TMPRSS6: variants seen among roughly 807,000 people sequenced by gnomAD.
TMPRSS6 encodes the protein transmembrane protease serine 6.
A neutral mutation model predicts 101.5 loss-of-function variants in TMPRSS6; 67 were observed. The ratio of observed to expected loss-of-function variants is 0.66; its 90% confidence interval spans 0.54 to 0.81. The LOEUF (loss-of-function observed/expected upper bound fraction) is 0.81, where lower values mean the gene tolerates loss of function less well. Ranked by LOEUF, TMPRSS6 falls within the 30% of genes least tolerant of loss-of-function variation. The probability of loss-of-function intolerance (pLI) is 0.00; values close to 1 mark genes in which losing one functional copy is unlikely to be tolerated. For synonymous variants in TMPRSS6, 453 were observed against 464.9 expected, an observed-to-expected ratio of 0.97 and a Z score of 0.33; for missense variants, 1,034 against 1,088.7, an observed-to-expected ratio of 0.95 and a Z score of 0.71.
chr22:37,070,770 G>A (rs1025188130), intron 14 of TMPRSS6, 118 bp from the exon 15 acceptor site: 1 of 1,331,720 alleles, frequency 7.5e-7, no homozygotes, highest in South Asian at 1.2e-5. Context: ...TGATGGAGGG[G>A]GAGAGACCAT....
chr22:37,068,083 C>A (rs569257886), intron 16 of TMPRSS6, among the ~76,000 whole-genome samples: 46 of 152,224 alleles, frequency 3.0e-4, no homozygotes, highest in Non-Finnish European at 5.4e-4. Flanking sequence ...GGAGCCTCCT[C>A]TGTGTCTCCA....
At chr22:37,109,836 G>A (rs907854689), upstream of TMPRSS6, among the ~76,000 whole-genome samples, 7 of 150,018 alleles carry the variant, frequency 4.7e-5, no homozygotes, top group East Asian at 4.1e-4. Flanking sequence ...GCTCTCCCCC[G>A]AGGCCCGTTG....
In TMPRSS6 at chr22:37,103,455, G is replaced by A. The variant is rs367698402; in HGVS notation, c.-1-37C>T. The A allele has an allele frequency of 3.8e-5, 62 of 1,614,100 alleles. No individual in the cohort carries two copies. The highest frequency in any genetic ancestry group is 4.7e-5 in the Non-Finnish European group (56 of 1,180,048). On this transcript the variant is annotated intron_variant, in intron 1 of 17. Transcript: ENST00000676104. The surrounding 1 kb of genome is among the most constrained non-coding windows in gnomAD (Gnocchi z 4.4). ...ACAGACCAAAGTTGGAAACAGCCTC[G>A]CATTTGCAAGGGAGCCTCTGCTGAG...
rs761779631 is a variant in TMPRSS6, at chr22:37,095,942, C to A, written c.553G>T (p.Glu185Ter). ...AGGCCCTCGGGGTCCACTTCGTACT[C>A]GGCCCTGTAGGGGACGGCAGCCGAG... ...NSSAAVPYRA[E>*]YEVDPEGLVI... Residue 185 changes from glutamate (E) to a stop codon, truncating the protein, a stop_gained, in exon 5 of 18, where the codon GAG becomes TAG. Coordinates refer to ENST00000676104, the MANE Select transcript of TMPRSS6 (RefSeq NM_001374504.1). LOFTEE classifies it high-confidence loss of function. The A allele has an allele frequency of 1.9e-6, 3 of 1,614,162 alleles. No individual in the cohort carries two copies. The highest frequency in any genetic ancestry group is 1.1e-5 in the South Asian group (1 of 91,086).
In TMPRSS6 at chr22:37,092,279, G is replaced by A. The variant is rs189011937; in HGVS notation, c.632-2497C>T. On this transcript the variant is annotated intron_variant, in intron 6 of 17. Transcript: ENST00000676104. The stretch of plus-strand genomic sequence containing the variant: ...GCTCAGGGAACCCTTTCTTCTTCTC[G>A]CCCTGACAAATTCCTGCCTACCCCC... Among the ~76,000 whole-genome samples, 93 of 151,242 alleles carry A rather than the reference G, an allele frequency of 6.1e-4. 1 individual carries two copies. In the East Asian group the frequency reaches 0.017, roughly 28 times the overall value.
chr22:37,072,233 T>TGATG (rs1244365215), intron 13 of TMPRSS6, among the ~76,000 whole-genome samples: 10 of 58,588 alleles, frequency 1.7e-4, no homozygotes, highest in Admixed American at 3.9e-4. Flanking sequence ...GATGGATGGA[T>TGATG]GATGGATGGA....
intron 10 of TMPRSS6, among the ~76,000 whole-genome samples, 177 bp from the exon 11 acceptor site, chr22:37,075,457 G>A (rs1927553828): frequency 6.6e-6 from 1 of 152,338 alleles, no homozygotes; most frequent in East Asian, 1.9e-4. Context: ...CTAGAAACTA[G>A]CCTGGCTATG....
In TMPRSS6 at chr22:37,069,533, G is replaced by C. The variant is rs1342959743; in HGVS notation, c.1842-189C>G. 6.6e-6 allele frequency among the ~76,000 whole-genome samples: 1 copy of C among 152,152 alleles called. No individual in the cohort carries two copies. Among genetic ancestry groups the C allele is most frequent in the Non-Finnish European group, 1.5e-5 (1 of 68,026 alleles). ...CGTTCAGCCTTCACCCACTCGGCCTGCCTGGGTTCCACGCCCCAGCTTCAT... is the reference window on the plus strand; with the variant it reads ...CGTTCAGCCTTCACCCACTCGGCCTCCCTGGGTTCCACGCCCCAGCTTCAT... On this transcript the variant is annotated intron_variant, in intron 15 of 17. Coordinates refer to ENST00000676104, the MANE Select transcript of TMPRSS6 (RefSeq NM_001374504.1). The surrounding 1 kb of genome is among the most constrained non-coding windows in gnomAD (Gnocchi z 4.8).
intron 1 of TMPRSS6, among the ~76,000 whole-genome samples, chr22:37,106,875 G>A (rs1436544265): frequency 1.3e-5 from 2 of 152,192 alleles, no homozygotes; most frequent in Non-Finnish European, 2.9e-5. Flanking sequence ...CTTACCAGGC[G>A]ACCTGCCAGG....
intron 1 of TMPRSS6, among the ~76,000 whole-genome samples, chr22:37,105,030 A>G (rs228910): frequency 0.59 from 89,497 of 151,834 alleles, 26,651 homozygotes; most frequent in African/African-American, 0.63. Flanking sequence ...TTTGGGCTGT[A>G]TCTTGGGATT....
Position 37,089,751 on chromosome 22 carries a change from G to A in TMPRSS6, c.663C>T (p.Gly221=), listed in dbSNP as rs35961386. 8 of 1,612,442 alleles carry A rather than the reference G, an allele frequency of 5.0e-6. No homozygotes were observed. In the African/African-American group the frequency reaches 9.3e-5, roughly 19 times the overall value. The change falls in exon 7 of 18, where the codon GGC becomes GGT. Residue 221 remains glycine, a synonymous_variant. Coordinates refer to ENST00000676104, the MANE Select transcript of TMPRSS6 (RefSeq NM_001374504.1). ...GCYRYSYVGQ[G]QVLRLKGPDH... Reference sequence around the variant, plus strand: ...CAGGCCCCTTCAGCCGGAGGACCTGGCCCTGGCCCACGTAGCTGTAGCGGT... The same window carrying A: ...CAGGCCCCTTCAGCCGGAGGACCTGACCCTGGCCCACGTAGCTGTAGCGGT...
intron 12 of TMPRSS6, 150 bp from the exon 13 acceptor site, chr22:37,073,795 A>G: frequency 2.9e-6 from 2 of 696,008 alleles, no homozygotes; most frequent in South Asian, 3.0e-5. Context: ...CGCTCTTGTC[A>G]CGAAGGCTGG....
rs749845931 is a variant in TMPRSS6 at position 37,075,171 on chromosome 22, C to T, written c.1306G>A (p.Val436Met). 7 of 1,613,978 alleles carry T rather than the reference C, an allele frequency of 4.3e-6. No individual in the cohort carries two copies. The highest frequency in any genetic ancestry group is 1.7e-5 in the Admixed American group (1 of 60,010). Reference sequence around the variant, plus strand: ...TTGTACAAGCCATAGTGCACCCGCACACCGGGCCCGGTGAGGGAGATCTGG... The same window carrying T: ...TTGTACAAGCCATAGTGCACCCGCATACCGGGCCCGGTGAGGGAGATCTGG... ...TSQISLTGPGVRVHYGLYNQS... is the reference protein window; with the variant it reads ...TSQISLTGPGMRVHYGLYNQS... The change falls in exon 11 of 18, where the codon GTG becomes ATG. Residue 436 changes from valine (V) to methionine (M), a missense_variant. By Grantham distance (21) the Val-to-Met change is conservative (BLOSUM62 1). Transcript: ENST00000676104.
intron 6 of TMPRSS6, among the ~76,000 whole-genome samples, chr22:37,090,997 C>T (rs1251008981): frequency 6.6e-6 from 1 of 152,134 alleles, no homozygotes; most frequent in Non-Finnish European, 1.5e-5. Context: ...CCCCACCCCC[C>T]TACCCCACAC....
intron 4 of TMPRSS6, 147 bp downstream of exon 4, chr22:37,096,501 T>A: frequency 1.2e-6 from 1 of 847,252 alleles, no homozygotes; most frequent in Non-Finnish European, 2.0e-6. Flanking sequence ...GAAGGGAGGG[T>A]GACATGCAGG....
chr22:37,103,366 C>A lies in TMPRSS6; in HGVS notation c.52G>T (p.Asp18Tyr). The A allele has an allele frequency of 6.2e-7, 1 of 1,614,226 alleles. No individual in the cohort carries two copies. The highest frequency in any genetic ancestry group is 8.5e-7 in the Non-Finnish European group (1 of 1,180,034). Residue 18 changes from aspartate to tyrosine, a missense_variant, in exon 2 of 18, where the codon GAT (aspartate) becomes TAT (tyrosine). Coordinates refer to ENST00000676104, the MANE Select transcript of TMPRSS6 (RefSeq NM_001374504.1). This position sits in a 1 kb window ranked among gnomAD's most constrained non-coding sequence, Gnocchi z 4.4. ...CCCTCCGGCTCCGCTTCCTCGCCAT[C>A]ACCTCCGTCCCCCTGCCCGCCAGCC... Reference protein sequence around the residue: ...QVAGGQGDGGDGEEAEPEGMF... With the variant: ...QVAGGQGDGGYGEEAEPEGMF...
At position 37,095,923 on chromosome 22, in the gene TMPRSS6, T is replaced by C. The variant is rs757612914; in HGVS notation, c.572A>G (p.Glu191Gly). The change falls in exon 5 of 18, where the codon GAG becomes GGG. Residue 191 changes from glutamate to glycine, a missense_variant. Coordinates refer to ENST00000676104, the MANE Select transcript of TMPRSS6 (RefSeq NM_001374504.1). ...GTACTGACCCAGGATCACTAGGCCC[T>C]CGGGGTCCACTTCGTACTCGGCCCT... ...PYRAEYEVDPEGLVILEASVK... is the reference protein window; with the variant it reads ...PYRAEYEVDPGGLVILEASVK... 1.2e-6 allele frequency: 2 copies of C among 1,614,060 alleles called. No individual in the cohort carries two copies. Among genetic ancestry groups the C allele is most frequent in the Admixed American group, 1.7e-5 (1 of 60,024 alleles).
Position 37,074,670 on chromosome 22 carries a change from A to G in TMPRSS6, c.1381T>C (p.Cys461Arg), listed in dbSNP as rs1305274053. Reference sequence around the variant, plus strand: ...TTGACCCCATCACAGGCAGGGACACAGAGTCCATTCACAGAACAGAGGAAC... The same window carrying G: ...TTGACCCCATCACAGGCAGGGACACGGAGTCCATTCACAGAACAGAGGAAC... ...GEFLCSVNGL[C>R]VPACDGVKDC... is the part of the protein sequence containing the mutation. Residue 461 changes from cysteine (C) to arginine (R), a missense_variant, in exon 12 of 18, where the codon TGT (cysteine) becomes CGT (arginine). Transcript: ENST00000676104. The G allele has an allele frequency of 1.9e-6, 3 of 1,614,170 alleles. No homozygotes were observed. The highest frequency in any genetic ancestry group is 2.5e-6 in the Non-Finnish European group (3 of 1,180,008).
chr22:37,070,029 C>A (rs1244100948), intron 15 of TMPRSS6, among the ~76,000 whole-genome samples: 1 of 152,108 alleles, frequency 6.6e-6, no homozygotes. Context: ...TTTCAGCCCA[C>A]CAAGCAGATG....
Sources: allele counts gnomAD v4.1 joint callset (sites outside exome capture counted in the v4.1 genomes callset), GRCh38; gene constraint gnomAD v4.1.1; non-coding constraint Gnocchi (gnomAD v3.1); transcripts MANE v1.5; gene names NCBI Gene and HGNC (gene_info 2026-07-23, HGNC 2026-07-21).